GTF3C3: variants seen among roughly 807,000 people sequenced by gnomAD.
The protein encoded by GTF3C3 is general transcription factor 3C polypeptide 3.
Under a neutral mutation model 105.2 loss-of-function variants are expected in GTF3C3, and 75 were observed. That is an observed-to-expected ratio of 0.71 (90% CI 0.59 to 0.86). The LOEUF is 0.86. Among genes scored for constraint, GTF3C3 ranks in the 40% least tolerant of loss-of-function variants. GTF3C3 has a pLI of 0.00. For missense variants in GTF3C3, 856 were observed against 1,076.5 expected, an observed-to-expected ratio of 0.80 and a Z score of 2.87; for synonymous variants, 335 against 370.4, an observed-to-expected ratio of 0.90 and a Z score of 1.10.
At chr2:196,791,500 G>T (rs751873103) in intron 3 of GTF3C3, 40 bp from the exon 4 acceptor site, 2 of 1,536,054 alleles carry the variant, frequency 1.3e-6, no homozygotes, top group African/African-American at 2.7e-5. Flanking sequence ...AAAATATAGT[G>T]AAGTCTTAGA....
chr2:196,765,865 C>T (rs1395924336), intron 17 of GTF3C3, among the ~76,000 whole-genome samples: 1 of 151,598 alleles, frequency 6.6e-6, no homozygotes, highest in Non-Finnish European at 1.5e-5. Flanking sequence ...AAAAAATTAG[C>T]TGGGCGTGGT....
At chr2:196,781,890 T>G (rs944334437) in intron 8 of GTF3C3, among the ~76,000 whole-genome samples, 2 of 152,218 alleles carry the variant, frequency 1.3e-5, no homozygotes, top group Admixed American at 6.5e-5. Flanking sequence ...ACATTTCTTC[T>G]GTAGACAGTA....
At position 196,785,562 on chromosome 2, in the gene GTF3C3, G is replaced by A. The variant is rs745906135; in HGVS notation, c.920C>T (p.Thr307Ile). ...AKSYYEANDV[T>I]SAINIIDEAF... The stretch of plus-strand genomic sequence containing the variant: ...TTCATCAATTATGTTAATAGCAGAA[G>A]TAACATCATTGGCTTCATAGTAACT... Residue 307 changes from threonine (T) to isoleucine (I), a missense_variant, in exon 7 of 18, where the codon ACT becomes ATT. Around this residue, in one of 3 missense-constraint regions of GTF3C3, gnomAD observed 605 missense variants for 833.6 expected, o/e 0.73. Coordinates refer to ENST00000263956, the MANE Select transcript of GTF3C3 (RefSeq NM_012086.5). The A allele has an allele frequency of 1.2e-6, 2 of 1,607,018 alleles. No individual in the cohort carries two copies. Among genetic ancestry groups the A allele is most frequent in the Non-Finnish European group, 1.7e-6 (2 of 1,174,440 alleles).
rs976597545 is a variant in GTF3C3, at chr2:196,776,769, C to T, written c.1391-140G>A. 1 of 618,330 alleles carries T rather than the reference C, an allele frequency of 1.6e-6. No individual in the cohort carries two copies. The highest frequency in any genetic ancestry group is 2.8e-6 in the Non-Finnish European group (1 of 351,144). 38.3% of individuals were successfully genotyped at this position (618,330 alleles called of 1,614,324 possible). ...AATGCGTATTTCTAGTACTTTAAAA[C>T]TATCCCTAATCTCTATTAATCAATC... On this transcript the variant is annotated intron_variant, in intron 10 of 17. Coordinates refer to ENST00000263956, the MANE Select transcript of GTF3C3 (RefSeq NM_012086.5). This position sits in a 1 kb window ranked among gnomAD's most constrained non-coding sequence, Gnocchi z 4.5.
chr2:196,768,330 G>C (rs1239312213), intron 16 of GTF3C3, among the ~76,000 whole-genome samples: 1 of 152,018 alleles, frequency 6.6e-6, no homozygotes, highest in Non-Finnish European at 1.5e-5. Flanking sequence ...AAAACACACA[G>C]TTTAAATTGA....
At chr2:196,788,270 T>C (rs1699486451) in intron 6 of GTF3C3, among the ~76,000 whole-genome samples, 1 of 152,258 alleles carries the variant, frequency 6.6e-6, no homozygotes, top group South Asian at 2.1e-4. Context: ...ATGGAATTAA[T>C]AGGGTCACCC....
chr2:196,789,032 C>T (rs532341266), intron 6 of GTF3C3, among the ~76,000 whole-genome samples, 172 bp downstream of exon 6: 2 of 152,110 alleles, frequency 1.3e-5, no homozygotes, highest in Non-Finnish European at 2.9e-5. Flanking sequence ...TGCCATTATA[C>T]TCCAGCCTGG....
chr2:196,792,858 C>T (rs1018112132), intron 3 of GTF3C3, 98 bp downstream of exon 3: 17 of 746,078 alleles, frequency 2.3e-5, no homozygotes, highest in Admixed American at 5.1e-5. Flanking sequence ...TATTTCCTTT[C>T]GTACAGTTTG....
chr2:196,780,723 T>C lies in GTF3C3; in HGVS notation c.1115-61A>G, dbSNP rs1290905013. The C allele has an allele frequency of 1.9e-6, 3 of 1,556,112 alleles. No homozygotes were observed. The African/African-American group carries it at 4.1e-5, about 21-fold the overall frequency. ...GCAAGCTTGAGATGTGTATCTTCTATGTAAGATCTCATTTATTTCATTCAA... is the reference window on the plus strand; with the variant it reads ...GCAAGCTTGAGATGTGTATCTTCTACGTAAGATCTCATTTATTTCATTCAA... On this transcript the variant is annotated intron_variant, in intron 8 of 17. Transcript: ENST00000263956.
chr2:196,788,246 T>C (rs1394752099), intron 6 of GTF3C3, among the ~76,000 whole-genome samples: 1 of 152,236 alleles, frequency 6.6e-6, no homozygotes, highest in Admixed American at 6.5e-5. Flanking sequence ...CTAAGCATCA[T>C]TGTGATAAAG....
intron 9 of GTF3C3, among the ~76,000 whole-genome samples, chr2:196,779,524 C>T (rs1699311643): frequency 6.6e-6 from 1 of 152,038 alleles, no homozygotes; most frequent in Non-Finnish European, 1.5e-5. Flanking sequence ...TAACTCATAC[C>T]CAGTGAACAC....
chr2:196,790,581 A>G (rs929122108), intron 4 of GTF3C3, among the ~76,000 whole-genome samples: 1 of 152,236 alleles, frequency 6.6e-6, no homozygotes, highest in African/African-American at 2.4e-5. Context: ...TATTAAAGTC[A>G]AAGATTTTTG....
chr2:196,791,483 T>C (rs759548586), intron 3 of GTF3C3, 23 bp from the exon 4 acceptor site: 1 of 1,597,624 alleles, frequency 6.3e-7, no homozygotes, highest in East Asian at 2.2e-5. Context: ...AAAATGACAT[T>C]TAGATTAAAA....
In GTF3C3 at chr2:196,797,890, T is replaced by C; in HGVS notation, c.121A>G (p.Lys41Glu). 1 of 1,606,874 alleles carries C rather than the reference T, an allele frequency of 6.2e-7. No homozygotes were observed. Among genetic ancestry groups the C allele is most frequent in the Non-Finnish European group, 8.5e-7 (1 of 1,173,430 alleles). ...TCGGGATTTTCTTCAGCTGATAACT[T>C]GCCTTTTTCCTGAAGACTCTGTGAT... Reference protein sequence around the residue: ...REKKSLQEKGKLSAEENPDDS... With the variant: ...REKKSLQEKGELSAEENPDDS... Residue 41 changes from lysine (K) to glutamate (E), a missense_variant, in exon 2 of 18, where the codon AAG (lysine) becomes GAG (glutamate). Transcript: ENST00000263956.
intron 16 of GTF3C3, among the ~76,000 whole-genome samples, chr2:196,768,498 AAAGAT>A (rs1319091630): frequency 1.3e-5 from 2 of 152,224 alleles, no homozygotes; most frequent in Non-Finnish European, 2.9e-5. Context: ...TAAAGGTAAG[AAAGAT>A]AATAAACCAT....
In GTF3C3 at chr2:196,764,441, T is replaced by C. The variant is rs1699023612; in HGVS notation, c.*122A>G. On this transcript the variant is annotated 3_prime_UTR_variant, in exon 18 of 18. Transcript: ENST00000263956. ...TATCACATATTAAAAATAAATACAC[T>C]GTTTGTTAGGTAATTCTGAAATTGT... 1.2e-6 allele frequency: 1 copy of C among 867,416 alleles called. No individual in the cohort carries two copies. Among genetic ancestry groups the C allele is most frequent in the Non-Finnish European group, 1.7e-6 (1 of 587,808 alleles). 53.7% of individuals were successfully genotyped at this position (867,416 alleles called of 1,614,324 possible). A position where few individuals can be genotyped will look rare whatever the true frequency, so the allele number is the denominator to read the frequency against.
At chr2:196,764,981 A>G (rs977507553) in intron 17 of GTF3C3, among the ~76,000 whole-genome samples, 5 of 152,178 alleles carry the variant, frequency 3.3e-5, no homozygotes, top group African/African-American at 1.2e-4. Flanking sequence ...AAAAAATACA[A>G]TGGGATAATA....
chr2:196,771,813 T>C lies in GTF3C3; in HGVS notation c.2195A>G (p.Asn732Ser). 3.7e-6 allele frequency: 6 copies of C among 1,612,938 alleles called. No individual in the cohort carries two copies. Among genetic ancestry groups the C allele is most frequent in the Non-Finnish European group, 5.1e-6 (6 of 1,178,936 alleles). The change falls in exon 15 of 18, where the codon AAT (asparagine) becomes AGT (serine). Residue 732 changes from asparagine to serine, a missense_variant. Physicochemically the swap from Asn to Ser is conservative, Grantham distance 46. Transcript: ENST00000263956. ...CLRLMLKNPE[N>S]HALCVLNGHN... ...TCCATTTAAGACACATAGGGCATGATTTTCTGGGTTTTTCAGCATCAAACG... is the reference window on the plus strand; with the variant it reads ...TCCATTTAAGACACATAGGGCATGACTTTCTGGGTTTTTCAGCATCAAACG...
rs541566811 is a variant in GTF3C3, at chr2:196,786,562, C to G, written c.894-974G>C. Among the ~76,000 whole-genome samples the G allele has an allele frequency of 6.6e-6, 1 of 152,098 alleles. No homozygotes were observed. The highest frequency in any genetic ancestry group is 1.9e-4 in the East Asian group (1 of 5,184). ...ACATGAAAATAACCCCTAGTTTGAT[C>G]CCATTCCCTATGATCTACTTAAGGA... On this transcript the variant is annotated intron_variant, in intron 6 of 17. Transcript: ENST00000263956. The surrounding 1 kb of genome is among the most constrained non-coding windows in gnomAD (Gnocchi z 4.2).
Sources: gnomAD v4.1 joint callset for allele counts (sites outside exome capture counted in the v4.1 genomes callset) on GRCh38, gnomAD v4.1.1 for gene constraint, gnomAD v4.1.1 regional missense constraint, Gnocchi (gnomAD v3.1) non-coding constraint, MANE v1.5 for transcripts, NCBI Gene and HGNC (gene_info 2026-07-23, HGNC 2026-07-21) for gene names.